Variants in ANO6 observed in about 807,000 individuals in gnomAD.
The protein encoded by ANO6 is anoctamin-6.
In ANO6, 106 loss-of-function variants were observed where a neutral mutation model predicts 117.5. That is an observed-to-expected ratio of 0.90 (90% CI 0.77 to 1.06). The LOEUF is 1.06. ANO6 is among the 50% of genes least tolerant of loss of function. The probability of loss-of-function intolerance (pLI) is 0.00; values close to 1 mark genes in which losing one functional copy is unlikely to be tolerated. For synonymous variants in ANO6, 367 were observed against 385.1 expected (o/e 0.95, Z 0.55); for missense variants, 955 against 1,121.1 (o/e 0.85, Z 2.12).
downstream of ANO6, among the ~76,000 whole-genome samples, chr12:45,433,197 G>C (rs1400332915): frequency 6.6e-6 from 1 of 152,198 alleles, no homozygotes; most frequent in Non-Finnish European, 1.5e-5. Flanking sequence ...TCCCACATCA[G>C]TGGCCTCCAA....
chr12:45,400,557 T>G (rs10506261), intron 12 of ANO6, among the ~76,000 whole-genome samples: 22,646 of 152,210 alleles, frequency 0.15, 2,314 homozygotes, highest in East Asian at 0.46. Flanking sequence ...TAATACTTAT[T>G]TGGTGCTTTT....
chr12:45,421,035 T>C (rs1565770202), intron 17 of ANO6, 36 bp from the exon 18 acceptor site: 1 of 1,608,206 alleles, frequency 6.2e-7, no homozygotes, highest in Admixed American at 1.7e-5. Context: ...CAAAAAACTA[T>C]AACTTCATTT....
At chr12:45,392,863 AG>A (rs1195079539) in intron 12 of ANO6, among the ~76,000 whole-genome samples, 3 of 152,222 alleles carry the variant, frequency 2.0e-5, no homozygotes, top group Non-Finnish European at 4.4e-5. Context: ...CAAAGACCAA[AG>A]GTAGATAAAA....
At chr12:45,342,898 G>A (rs1055717943) in intron 3 of ANO6, among the ~76,000 whole-genome samples, 1 of 152,198 alleles carries the variant, frequency 6.6e-6, no homozygotes, top group South Asian at 2.1e-4. Flanking sequence ...AAAATGGGAG[G>A]TATTGCCCAA....
At chr12:45,348,774 G>T in intron 6 of ANO6, 143 bp downstream of exon 6, 2 of 719,722 alleles carry the variant, frequency 2.8e-6, no homozygotes, top group South Asian at 1.5e-5. Context: ...CTCATTTAGG[G>T]TAAGAACTAG....
chr12:45,399,620 C>A (rs1942731093), intron 12 of ANO6, among the ~76,000 whole-genome samples: 1 of 152,116 alleles, frequency 6.6e-6, no homozygotes, highest in Non-Finnish European at 1.5e-5. Context: ...GGATCAGTTG[C>A]TGAGTCCGGT....
intron 9 of ANO6, among the ~76,000 whole-genome samples, chr12:45,375,200 A>C (rs1941971195): frequency 6.6e-6 from 1 of 152,202 alleles, no homozygotes; most frequent in African/African-American, 2.4e-5. Flanking sequence ...CAAGGAAATA[A>C]AAGAGGATAC....
chr12:45,265,507 C>T (rs1451016953), intron 1 of ANO6, among the ~76,000 whole-genome samples: 1 of 152,094 alleles, frequency 6.6e-6, no homozygotes, highest in Non-Finnish European at 1.5e-5. Context: ...ACTGTCAGAC[C>T]TCGTGTTATG....
At chr12:45,295,009 T>G (rs903066443) in intron 1 of ANO6, among the ~76,000 whole-genome samples, 2 of 152,226 alleles carry the variant, frequency 1.3e-5, no homozygotes, top group African/African-American at 4.8e-5. Context: ...AACCTTCTGA[T>G]GTAGGCATTA....
chr12:45,393,669 G>A (rs1942521405), intron 12 of ANO6, among the ~76,000 whole-genome samples: 1 of 152,222 alleles, frequency 6.6e-6, no homozygotes, highest in Admixed American at 6.5e-5. Context: ...CTACGAGCCA[G>A]AAGAGAGTGG....
intron 2 of ANO6, among the ~76,000 whole-genome samples, chr12:45,314,746 A>G (rs1939966118): frequency 6.6e-6 from 1 of 152,050 alleles, no homozygotes; most frequent in South Asian, 2.1e-4. Flanking sequence ...AGAAATGGAG[A>G]GTAATCTCCT....
At chr12:45,305,177 A>T (rs1454901093) in intron 2 of ANO6, among the ~76,000 whole-genome samples, 2 of 152,166 alleles carry the variant, frequency 1.3e-5, no homozygotes, top group Admixed American at 6.5e-5. Flanking sequence ...ATGTGTTGAA[A>T]CTAGAAACTG....
At chr12:45,377,513 A>C (rs1172890903) in intron 9 of ANO6, among the ~76,000 whole-genome samples, 1 of 152,220 alleles carries the variant, frequency 6.6e-6, no homozygotes, top group Non-Finnish European at 1.5e-5. Flanking sequence ...AAAAGCCATC[A>C]TTGGGTTTAA....
intron 1 of ANO6, among the ~76,000 whole-genome samples, chr12:45,281,068 A>G (rs1938715413): frequency 1.3e-5 from 2 of 152,086 alleles, no homozygotes; most frequent in Admixed American, 6.6e-5. Context: ...GTGTATGTGT[A>G]TATGTGTGTG....
intron 12 of ANO6, among the ~76,000 whole-genome samples, chr12:45,399,797 G>A (rs1942735783): frequency 6.6e-6 from 1 of 152,152 alleles, no homozygotes; most frequent in Non-Finnish European, 1.5e-5. Context: ...AAAGCAATCA[G>A]TGTTCACTAC....
chr12:45,343,871 GCT>G (rs1172143644), intron 3 of ANO6, among the ~76,000 whole-genome samples: 1 of 150,562 alleles, frequency 6.6e-6, no homozygotes, highest in Non-Finnish European at 1.5e-5. Flanking sequence ...ACTGGCATTT[GCT>G]CTCTCAGCCA....
At chr12:45,281,014 C>G (rs1938712864) in intron 1 of ANO6, among the ~76,000 whole-genome samples, 1 of 152,150 alleles carries the variant, frequency 6.6e-6, no homozygotes, top group South Asian at 2.1e-4. Flanking sequence ...CTCTCTCCAT[C>G]AGTGATCCTC....
intron 3 of ANO6, among the ~76,000 whole-genome samples, chr12:45,332,432 TA>T (rs750898241): frequency 3.3e-5 from 5 of 152,054 alleles, no homozygotes; most frequent in African/African-American, 7.2e-5. Flanking sequence ...TAAAACCTTT[TA>T]AAAAATGAAG....
intron 1 of ANO6, chr12:45,292,871 G>A (rs1006493744): frequency 8.4e-6 from 13 of 1,550,146 alleles, no homozygotes; most frequent in African/African-American, 5.5e-5. Context: ...GGTAAGAAGC[G>A]TCAAGGACTC....
Sources: gnomAD v4.1 joint callset for allele counts (sites outside exome capture counted in the v4.1 genomes callset) on GRCh38, gnomAD v4.1.1 for gene constraint, MANE v1.5 for transcripts, NCBI Gene and HGNC (gene_info 2026-07-23, HGNC 2026-07-21) for gene names.